CARM1: variants seen among roughly 807,000 people sequenced by gnomAD.
The protein encoded by CARM1 is histone-arginine methyltransferase CARM1.
A neutral mutation model predicts 72.7 loss-of-function variants in CARM1; 14 were observed. The ratio of observed to expected loss-of-function variants is 0.19; its 90% confidence interval spans 0.13 to 0.30. The LOEUF is 0.30. Among genes scored for constraint, CARM1 ranks in the 10% least tolerant of loss-of-function variants. CARM1 has a pLI of 1.00. For synonymous variants in CARM1, 333 were observed against 345.5 expected, an observed-to-expected ratio of 0.96 and a Z score of 0.40; for missense variants, 432 against 833.7, an observed-to-expected ratio of 0.52 and a Z score of 5.93.
At chr19:10,891,616 G>T (rs895917105) in intron 1 of CARM1, among the ~76,000 whole-genome samples, 2 of 152,200 alleles carry the variant, frequency 1.3e-5, no homozygotes, top group African/African-American at 2.4e-5. Flanking sequence ...AAGGATGTTG[G>T]GGGGGTGGTC....
At chr19:10,891,058 G>A (rs1440419712) in intron 1 of CARM1, among the ~76,000 whole-genome samples, 1 of 150,884 alleles carries the variant, frequency 6.6e-6, no homozygotes, top group African/African-American at 2.4e-5. Flanking sequence ...GGCCACCTGG[G>A]GGACAGGGCC....
intron 1 of CARM1, among the ~76,000 whole-genome samples, chr19:10,900,753 G>A (rs561143234): frequency 2.0e-5 from 3 of 152,012 alleles, no homozygotes; most frequent in East Asian, 1.9e-4. Flanking sequence ...GCGTGATCTC[G>A]GCTCACCGCA....
At chr19:10,875,752 GGGCATTGGATTTAGGGC>G (rs1257489341) in intron 1 of CARM1, among the ~76,000 whole-genome samples, 2 of 151,702 alleles carry the variant, frequency 1.3e-5, no homozygotes, top group Admixed American at 1.3e-4. Context: ...TAAGGACACT[GGGCATTGGATTTAGGGC>G]CCACTTTATA....
rs558211545 is a variant in CARM1, at chr19:10,896,040, G to T, written c.221-8911G>T. On this transcript the variant is annotated intron_variant, in intron 1 of 15. Coordinates refer to ENST00000327064, the MANE Select transcript of CARM1 (RefSeq NM_199141.2). This position sits in a 1 kb window ranked among gnomAD's most constrained non-coding sequence, Gnocchi z 5.2. Reference sequence around the variant, plus strand: ...GGCAGCAGTGAGACTGCAGACATTGGCAGGGGGCTGGTTCCGGAAGGTGCT... The same window carrying T: ...GGCAGCAGTGAGACTGCAGACATTGTCAGGGGGCTGGTTCCGGAAGGTGCT... Among the ~76,000 whole-genome samples, 2 of 152,250 alleles carry T rather than the reference G, an allele frequency of 1.3e-5. No individual in the cohort carries two copies. Among genetic ancestry groups the T allele is most frequent in the East Asian group, 1.9e-4 (1 of 5,180 alleles).
At chr19:10,900,704 A>T (rs2074057307) in intron 1 of CARM1, among the ~76,000 whole-genome samples, 1 of 151,578 alleles carries the variant, frequency 6.6e-6, no homozygotes, top group Non-Finnish European at 1.5e-5. Context: ...TATTTTTTTG[A>T]GATGAGTCTG....
intron 1 of CARM1, among the ~76,000 whole-genome samples, chr19:10,885,508 C>T (rs745727002): frequency 2.0e-4 from 31 of 152,148 alleles, no homozygotes; most frequent in Non-Finnish European, 4.3e-4. Context: ...CTACTCCTGG[C>T]GAGGACTGCA....
rs1366202616 is a variant in CARM1, at chr19:10,871,915, C to T, written c.213C>T (p.Leu71=). 2 of 1,203,924 alleles carry T rather than the reference C, an allele frequency of 1.7e-6. No individual in the cohort carries two copies. The highest frequency in any genetic ancestry group is 2.1e-6 in the Non-Finnish European group (2 of 967,976). The allele number at this position is 1,203,924 out of a possible 1,614,324, so 74.6% of individuals were successfully genotyped here. A position where few individuals can be genotyped will look rare whatever the true frequency, so the allele number is the denominator to read the frequency against. The part of the protein sequence containing the change: ...RAGPDSAGIA[L]YSHEDVCVFK... ...GCCCGGACTCGGCGGGCATCGCCCT[C>T]TACAGCCGTGAGTACGGGGCCCCGG... is the stretch of plus-strand genomic sequence containing the variant. Residue 71 remains leucine (L), a synonymous_variant, in exon 1 of 16, where the codon CTC becomes CTT. Transcript: ENST00000327064. The surrounding 1 kb of genome is among the most constrained non-coding windows in gnomAD (Gnocchi z 5.6).
chr19:10,914,030 G>A lies in CARM1; in HGVS notation c.823G>A (p.Ala275Thr), dbSNP rs139789571. 3.1e-6 allele frequency: 5 copies of A among 1,613,000 alleles called. No individual in the cohort carries two copies. Among genetic ancestry groups the A allele is most frequent in the Non-Finnish European group, 4.2e-6 (5 of 1,179,818 alleles). The change falls in exon 6 of 16, where the codon GCC (alanine) becomes ACC (threonine). Residue 275 changes from alanine (A) to threonine (T), a missense_variant. By Grantham distance (58) the Ala-to-Thr change is moderately conservative. Coordinates refer to ENST00000327064, the MANE Select transcript of CARM1 (RefSeq NM_199141.2). Reference protein sequence around the residue: ...NERMLESYLHAKKYLKPSGNM... With the variant: ...NERMLESYLHTKKYLKPSGNM... ...GCGCATGCTGGAGAGCTACCTCCAC[G>A]CCAAGAAGTACCTGAAGCCCAGCGG...
At position 10,920,021 on chromosome 19, in the gene CARM1, C is replaced by T; in HGVS notation, c.1196+55C>T. The T allele has an allele frequency of 1.5e-6, 2 of 1,362,976 alleles. No homozygotes were observed. The highest frequency in any genetic ancestry group is 2.3e-5 in the East Asian group (1 of 43,562). The allele number at this position is 1,362,976 out of a possible 1,614,324, so 84.4% of individuals were successfully genotyped here. A position where few individuals can be genotyped will look rare whatever the true frequency, so the allele number is the denominator to read the frequency against. ...TCCTCCCCACTCCCAGGGCTTCCTG[C>T]AGCTGCAACCTGGCTGGGGGGGTGG... is the stretch of plus-strand genomic sequence containing the variant. On this transcript the variant is annotated intron_variant, in intron 10 of 15. Coordinates refer to ENST00000327064, the MANE Select transcript of CARM1 (RefSeq NM_199141.2). This position sits in a 1 kb window ranked among gnomAD's most constrained non-coding sequence, Gnocchi z 5.3.
At chr19:10,878,164 C>T (rs963228281) in intron 1 of CARM1, among the ~76,000 whole-genome samples, 1 of 152,028 alleles carries the variant, frequency 6.6e-6, no homozygotes, top group Admixed American at 6.6e-5. Context: ...TTTGTACAGA[C>T]AAAGCTAAGA....
At chr19:10,887,768 G>A (rs189890906) in intron 1 of CARM1, among the ~76,000 whole-genome samples, 3 of 152,258 alleles carry the variant, frequency 2.0e-5, no homozygotes, top group African/African-American at 7.2e-5. Context: ...AGGTGCACTA[G>A]GCAGGGACTT....
Position 10,921,744 on chromosome 19 carries a change from A to G in CARM1, c.1814A>G (p.His605Arg). The G allele has an allele frequency of 6.2e-7, 1 of 1,602,956 alleles. No individual in the cohort carries two copies. ...ATGTCCATCCCGACCAACACCATGCACTACGGGAGCTAGGGGCCCGCCCCG... is the reference window on the plus strand; with the variant it reads ...ATGTCCATCCCGACCAACACCATGCGCTACGGGAGCTAGGGGCCCGCCCCG... Reference protein sequence around the residue: ...SPMSIPTNTMHYGS With the variant: ...SPMSIPTNTMRYGS The change falls in exon 16 of 16, where the codon CAC becomes CGC. Residue 605 changes from histidine (H) to arginine (R), a missense_variant. Coordinates refer to ENST00000327064, the MANE Select transcript of CARM1 (RefSeq NM_199141.2).
At chr19:10,907,585 C>G (rs1486616626) in intron 2 of CARM1, among the ~76,000 whole-genome samples, 2 of 152,218 alleles carry the variant, frequency 1.3e-5, no homozygotes, top group Non-Finnish European at 1.5e-5. Flanking sequence ...TGCACCTGGC[C>G]TCTACTGTGC....
rs758154851 is a variant in CARM1, at chr19:10,919,820, T to C, written c.1107-57T>C. The C allele has an allele frequency of 2.0e-6, 3 of 1,524,738 alleles. No individual in the cohort carries two copies. The Admixed American group carries it at 5.1e-5, about 26-fold the overall frequency. The allele number at this position is 1,524,738 out of a possible 1,614,324, so 94.5% of individuals were successfully genotyped here. A position where few individuals can be genotyped will look rare whatever the true frequency, so the allele number is the denominator to read the frequency against. On this transcript the variant is annotated intron_variant, in intron 9 of 15. Transcript: ENST00000327064. ...GGCCTCTGCACCTGGCACCCCCTCT[T>C]CTCTCTCGGCAGCGCCTGTCTGGCT...
At chr19:10,881,024 G>A (rs559817264) in intron 1 of CARM1, among the ~76,000 whole-genome samples, 149 of 152,180 alleles carry the variant, frequency 9.8e-4, no homozygotes, top group Non-Finnish European at 1.6e-3. Context: ...AAAATTAGCC[G>A]GCATGGTGGC....
In CARM1 at chr19:10,890,760, C is replaced by CAT. The variant is rs1258836741; in HGVS notation, c.221-14187_221-14186dup. Among the ~76,000 whole-genome samples the CAT allele has an allele frequency of 1.2e-3, 145 of 122,996 alleles. 2 individuals are homozygous for CAT. Among genetic ancestry groups the CAT allele is most frequent in the African/African-American group, 4.0e-3 (133 of 33,324 alleles). The allele number at this position is 122,996 out of a possible 152,430, so 80.7% of individuals were successfully genotyped here. Reference sequence around the variant, plus strand: ...ATATACACATGCATATACACACACACATATACACACACACATATATATATA... The same window carrying CAT: ...ATATACACATGCATATACACACACACATATATACACACACACATATATATATA... On this transcript the variant is annotated intron_variant, in intron 1 of 15. Coordinates refer to ENST00000327064, the MANE Select transcript of CARM1 (RefSeq NM_199141.2).
intron 1 of CARM1, among the ~76,000 whole-genome samples, chr19:10,891,882 A>T (rs1759290444): frequency 1.3e-5 from 2 of 152,208 alleles, no homozygotes; most frequent in South Asian, 4.1e-4. Flanking sequence ...GCTTCAAGTT[A>T]TGCACGTTCA....
At chr19:10,875,098 A>G (rs1568344167) in intron 1 of CARM1, among the ~76,000 whole-genome samples, 3 of 152,076 alleles carry the variant, frequency 2.0e-5, no homozygotes, top group Non-Finnish European at 4.4e-5. Flanking sequence ...CATGGCTGCA[A>G]TAACAAATTA....
intron 1 of CARM1, among the ~76,000 whole-genome samples, chr19:10,900,284 A>G (rs2074054347): frequency 6.6e-6 from 1 of 152,128 alleles, no homozygotes; most frequent in South Asian, 2.1e-4. Flanking sequence ...GCCCTTTTAC[A>G]ATGTTGCATA....
Sources: allele counts gnomAD v4.1 joint callset (sites outside exome capture counted in the v4.1 genomes callset), GRCh38; gene constraint gnomAD v4.1.1; non-coding constraint Gnocchi (gnomAD v3.1); transcripts MANE v1.5; gene names NCBI Gene and HGNC (gene_info 2026-07-23, HGNC 2026-07-21).